The following ZNF639 variants were observed in gnomAD, a reference collection of about 807,000 sequenced individuals.
ZNF639 encodes the protein zinc finger amplified in esophageal squamous cell carcinomas 1.
A neutral mutation model predicts 39.8 loss-of-function variants in ZNF639; 20 were observed. The observed-to-expected ratio is 0.50, with a 90% CI of 0.35 to 0.73. The LOEUF (loss-of-function observed/expected upper bound fraction) is 0.73. Among genes scored for constraint, ZNF639 ranks in the 30% least tolerant of loss-of-function variants. The pLI is 0.00. For synonymous variants in ZNF639, 176 were observed against 189.8 expected, an observed-to-expected ratio of 0.93 and a Z score of 0.60; for missense variants, 477 against 566.2, an observed-to-expected ratio of 0.84 and a Z score of 1.60.
At position 179,338,434 on chromosome 3, in the gene ZNF639, A is replaced by G. The variant is rs1711640579; in HGVS notation, c.*4012A>G. On this transcript the variant is annotated 3_prime_UTR_variant, in exon 6 of 6. Transcript: ENST00000496856. The stretch of plus-strand genomic sequence containing the variant: ...TGCTTATAAATTTGCCAATTTTGCC[A>G]TTTTAAATCACCTTTCTTACGTTTC... 1 of 152,184 alleles carries G rather than the reference A, an allele frequency of 6.6e-6. No individual in the cohort carries two copies. The highest frequency in any genetic ancestry group is 1.5e-5 in the Non-Finnish European group (1 of 68,032). 9.4% of individuals were successfully genotyped at this position (152,184 alleles called of 1,614,324 possible).
chr3:179,333,624 G>A lies in ZNF639; in HGVS notation c.660G>A (p.Lys220=), dbSNP rs1728045462. 1 of 1,614,124 alleles carries A rather than the reference G, an allele frequency of 6.2e-7. No homozygotes were observed. The highest frequency in any genetic ancestry group is 1.1e-5 in the South Asian group (1 of 91,082). Residue 220 remains lysine (K), a synonymous_variant, in exon 6 of 6, where the codon AAG becomes AAA. Transcript: ENST00000496856. ...ACAGCAAATATTTTTCTGACTTAAA[G>A]CAGCATATGATCCTGAAGCATAAAC... ...EFNSKYFSDL[K]QHMILKHKRT...
intron 1 of ZNF639, among the ~76,000 whole-genome samples, chr3:179,327,140 A>G (rs1328423549): frequency 6.6e-6 from 1 of 152,100 alleles, no homozygotes; most frequent in Non-Finnish European, 1.5e-5. Flanking sequence ...CAGTGAGCTG[A>G]GATCGCGCCA....
intron 1 of ZNF639, among the ~76,000 whole-genome samples, chr3:179,326,147 A>C (rs1254119733): frequency 6.6e-6 from 1 of 152,166 alleles, no homozygotes; most frequent in Non-Finnish European, 1.5e-5. Context: ...CCTGGCTAAC[A>C]TAGTAAACCC....
At chr3:179,323,001 G>A (rs1560176593), upstream of ZNF639, 2 of 985,186 alleles carry the variant, frequency 2.0e-6, no homozygotes, top group South Asian at 4.7e-5. Flanking sequence ...ACCTCACCTC[G>A]TCACCTCCCC....
chr3:179,335,500 T>A lies in ZNF639; in HGVS notation c.*1078T>A, dbSNP rs1003651553. Reference sequence around the variant, plus strand: ...GGTTGCTGGCATGAAAATGTATAACTTACAACATTTATTAATAAAATGATA... The same window carrying A: ...GGTTGCTGGCATGAAAATGTATAACATACAACATTTATTAATAAAATGATA... On this transcript the variant is annotated 3_prime_UTR_variant, in exon 6 of 6. Coordinates refer to ENST00000496856, the MANE Select transcript of ZNF639 (RefSeq NM_001303426.2). The A allele has an allele frequency of 1.3e-5, 2 of 152,228 alleles. No homozygotes were observed. The highest frequency in any genetic ancestry group is 1.3e-4 in the Admixed American group (2 of 15,284). 9.4% of individuals were successfully genotyped at this position (152,228 alleles called of 1,614,324 possible). A position where few individuals can be genotyped will look rare whatever the true frequency, so the allele number is the denominator to read the frequency against.
chr3:179,325,425 A>T (rs1727532208), intron 1 of ZNF639: 1 of 152,258 alleles, frequency 6.6e-6, no homozygotes, highest in Non-Finnish European at 1.5e-5. Context: ...TAAGAACTGG[A>T]AGCAAGATGT....
chr3:179,329,050 A>G (rs1727757065), intron 3 of ZNF639, among the ~76,000 whole-genome samples: 1 of 152,188 alleles, frequency 6.6e-6, no homozygotes, highest in African/African-American at 2.4e-5. Context: ...TGTTGGCAGT[A>G]TAAGAAAAGG....
intron 1 of ZNF639, among the ~76,000 whole-genome samples, chr3:179,326,688 G>A (rs901889442): frequency 3.3e-5 from 5 of 151,388 alleles, no homozygotes; most frequent in Non-Finnish European, 5.9e-5. Flanking sequence ...GCAGTGGCAC[G>A]ATGTCAGCTC....
At position 179,338,171 on chromosome 3, in the gene ZNF639, C is replaced by T. The variant is rs1484385834; in HGVS notation, c.*3749C>T. The stretch of plus-strand genomic sequence containing the variant: ...TGTTTTGTTTTACTTCAGAGACAGA[C>T]ATTTTCACTGTATACTTGTGACTTG... On this transcript the variant is annotated 3_prime_UTR_variant, in exon 6 of 6. Transcript: ENST00000496856. The T allele has an allele frequency of 1.4e-5, 2 of 139,802 alleles. No homozygotes were observed. The highest frequency in any genetic ancestry group is 1.5e-4 in the Admixed American group (2 of 12,956). 8.7% of individuals were successfully genotyped at this position (139,802 alleles called of 1,614,324 possible).
chr3:179,333,153 T>C (rs368118029), intron 5 of ZNF639, 30 bp downstream of exon 5: 20 of 1,571,608 alleles, frequency 1.3e-5, no homozygotes, highest in East Asian at 2.2e-5. Context: ...AGCATTGATA[T>C]ATTTTGTATT....
At position 179,335,932 on chromosome 3, in the gene ZNF639, C is replaced by G. The variant is rs1560184136; in HGVS notation, c.*1510C>G. 1 of 152,138 alleles carries G rather than the reference C, an allele frequency of 6.6e-6. No homozygotes were observed. Among genetic ancestry groups the G allele is most frequent in the African/African-American group, 2.4e-5 (1 of 41,392 alleles). The allele number at this position is 152,138 out of a possible 1,614,324, so 9.4% of individuals were successfully genotyped here. ...CAGCTTCCCAAGTAGCTGGGGTTAA[C>G]AGGCGTCAGCCACCATGCCAGGCTA... On this transcript the variant is annotated 3_prime_UTR_variant, in exon 6 of 6. Coordinates refer to ENST00000496856, the MANE Select transcript of ZNF639 (RefSeq NM_001303426.2).
intron 4 of ZNF639, among the ~76,000 whole-genome samples, chr3:179,332,006 T>C (rs979354942): frequency 3.3e-5 from 5 of 152,158 alleles, no homozygotes; most frequent in Admixed American, 1.3e-4. Flanking sequence ...CAAGGCATCC[T>C]ACAGAATACC....
intron 1 of ZNF639, 135 bp downstream of exon 1, chr3:179,323,426 A>AT (rs1425467314): frequency 2.1e-6 from 2 of 971,452 alleles, no homozygotes; most frequent in Non-Finnish European, 2.4e-6. Flanking sequence ...CCTTCGTTAT[A>AT]TGGCGGGATG....
Position 179,334,007 on chromosome 3 carries a change from G to C in ZNF639, c.1043G>C (p.Ser348Thr), listed in dbSNP as rs1728076235. The change falls in exon 6 of 6, where the codon AGT (serine) becomes ACT (threonine). Residue 348 changes from serine to threonine, a missense_variant. Coordinates refer to ENST00000496856, the MANE Select transcript of ZNF639 (RefSeq NM_001303426.2). ...NEHACKLIEL[S>T]DKYNNGEHGQ... ...CATGCATGTAAATTAATAGAGTTAA[G>C]TGATAAGTATAACAATGGTGAACAT... 2 of 1,614,060 alleles carry C rather than the reference G, an allele frequency of 1.2e-6. No individual in the cohort carries two copies. Among genetic ancestry groups the C allele is most frequent in the South Asian group, 2.2e-5 (2 of 91,080 alleles).
chr3:179,323,257 G>A lies in ZNF639; in HGVS notation c.-117G>A. 1.0e-6 allele frequency: 1 copy of A among 985,400 alleles called. No individual in the cohort carries two copies. Among genetic ancestry groups the A allele is most frequent in the Non-Finnish European group, 1.2e-6 (1 of 830,044 alleles). 61.0% of individuals were successfully genotyped at this position (985,400 alleles called of 1,614,324 possible). On this transcript the variant is annotated 5_prime_UTR_variant, in exon 1 of 6. In the 5' UTR this introduces an upstream ATG that the reference lacks. Transcript: ENST00000496856. ...CGCTCTCGGCCGCCGCCGCCTCTGCGTGGGCCGGCCGGGAGGGCCTCGGGG... is the reference window on the plus strand; with the variant it reads ...CGCTCTCGGCCGCCGCCGCCTCTGCATGGGCCGGCCGGGAGGGCCTCGGGG...
At chr3:179,332,799 C>T (rs1190091135) in intron 4 of ZNF639, among the ~76,000 whole-genome samples, 190 bp from the exon 5 acceptor site, 3 of 152,142 alleles carry the variant, frequency 2.0e-5, no homozygotes, top group African/African-American at 7.2e-5. Context: ...GGCATCAATT[C>T]TAAAGCATTT....
chr3:179,329,092 A>G (rs1275741282), intron 3 of ZNF639, among the ~76,000 whole-genome samples: 1 of 152,228 alleles, frequency 6.6e-6, no homozygotes, highest in Non-Finnish European at 1.5e-5. Flanking sequence ...TACACCTCGC[A>G]TACATTTACT....
At chr3:179,328,472 C>A in intron 3 of ZNF639, 121 bp downstream of exon 3, 2 of 615,960 alleles carry the variant, frequency 3.2e-6, no homozygotes, top group Non-Finnish European at 5.4e-6. Context: ...TTAGGTAAAA[C>A]AACGGTTTAA....
rs1162482640 is a variant in ZNF639, at chr3:179,334,965, A to G, written c.*543A>G. ...AAAAAAAATTTTTGAGCCACTATCT[A>G]TTGTTGAATATTTTAAGATGGGATG... On this transcript the variant is annotated 3_prime_UTR_variant, in exon 6 of 6. Transcript: ENST00000496856. The G allele has an allele frequency of 1.3e-5, 2 of 152,160 alleles. No individual in the cohort carries two copies. Among genetic ancestry groups the G allele is most frequent in the African/African-American group, 4.8e-5 (2 of 41,436 alleles). 9.4% of individuals were successfully genotyped at this position (152,160 alleles called of 1,614,324 possible).
Sources: gnomAD v4.1 joint callset for allele counts (sites outside exome capture counted in the v4.1 genomes callset) on GRCh38, gnomAD v4.1.1 for gene constraint, MANE v1.5 for transcripts, NCBI Gene and HGNC (gene_info 2026-07-23, HGNC 2026-07-21) for gene names.